The following RBFOX1 variants were observed in gnomAD, a reference collection of about 807,000 sequenced individuals.
RBFOX1 encodes RNA binding fox-1 homolog 1.
Under a neutral mutation model 57.7 loss-of-function variants are expected in RBFOX1, and 8 were observed. The observed-to-expected ratio is 0.14, with a 90% CI of 0.08 to 0.25. The LOEUF (loss-of-function observed/expected upper bound fraction) is 0.25, where lower values mean the gene tolerates loss of function less well. Among genes scored for constraint, RBFOX1 ranks in the 10% least tolerant of loss-of-function variants. RBFOX1 has a pLI of 1.00. For synonymous variants in RBFOX1, 326 were observed against 222.4 expected, an observed-to-expected ratio of 1.47 and a Z score of -4.15; for missense variants, 611 against 548.5, an observed-to-expected ratio of 1.11 and a Z score of -1.14.
intron 4 of RBFOX1, among the ~76,000 whole-genome samples, chr16:5,888,743 G>A (rs2057962560): frequency 6.7e-6 from 1 of 148,700 alleles, no homozygotes; most frequent in Admixed American, 6.8e-5. Flanking sequence ...TTGCGGTGAG[G>A]TTGCGATCGT....
At chr16:6,578,992 G>C (rs1315100059) in intron 2 of RBFOX1, among the ~76,000 whole-genome samples, 1 of 151,754 alleles carries the variant, frequency 6.6e-6, no homozygotes, top group African/African-American at 2.4e-5. Flanking sequence ...CACCACTAAA[G>C]CACTTATTTA....
At chr16:7,673,283 T>C (rs887484020) in intron 13 of RBFOX1, among the ~76,000 whole-genome samples, 1 of 152,222 alleles carries the variant, frequency 6.6e-6, no homozygotes, top group Non-Finnish European at 1.5e-5. Flanking sequence ...TCAGTGTTCA[T>C]GAATATTGTC....
chr16:5,617,000 G>C (rs1297246754), intron 3 of RBFOX1, among the ~76,000 whole-genome samples: 1 of 151,732 alleles, frequency 6.6e-6, no homozygotes. Flanking sequence ...TGGCCGGAGG[G>C]CAGTTCCTGA....
At chr16:5,853,034 G>A (rs2056936133) in intron 3 of RBFOX1, among the ~76,000 whole-genome samples, 1 of 152,074 alleles carries the variant, frequency 6.6e-6, no homozygotes, top group African/African-American at 2.4e-5. Context: ...TCATTATACT[G>A]TAATAGAATT....
chr16:5,916,024 A>G (rs1413207532), intron 4 of RBFOX1, among the ~76,000 whole-genome samples: 1 of 152,180 alleles, frequency 6.6e-6, no homozygotes, highest in Non-Finnish European at 1.5e-5. Context: ...CACAGCAGCT[A>G]GTAATGCCTG....
intron 3 of RBFOX1, among the ~76,000 whole-genome samples, chr16:6,872,195 T>G (rs1276043804): frequency 1.3e-5 from 2 of 152,184 alleles, no homozygotes; most frequent in African/African-American, 4.8e-5. Flanking sequence ...CACCAACTTG[T>G]GCTCAGCACC....
intron 3 of RBFOX1, among the ~76,000 whole-genome samples, chr16:7,006,740 G>T (rs560583531): frequency 2.0e-5 from 3 of 152,148 alleles, no homozygotes; most frequent in Non-Finnish European, 4.4e-5. Flanking sequence ...GAGCCACCAT[G>T]CCTGGCAATT....
intron 3 of RBFOX1, among the ~76,000 whole-genome samples, chr16:6,895,978 A>C (rs778623065): frequency 1.4e-4 from 21 of 152,150 alleles, no homozygotes; most frequent in Admixed American, 9.2e-4. Flanking sequence ...GTTTTGATAC[A>C]GGCATGCTGT....
At chr16:5,719,696 G>C (rs969357086) in intron 3 of RBFOX1, among the ~76,000 whole-genome samples, 5 of 151,974 alleles carry the variant, frequency 3.3e-5, no homozygotes, top group African/African-American at 7.3e-5. Context: ...TTTTTGCTGA[G>C]CATAAATGTT....
chr16:6,120,530 C>G (rs1056609137), intron 1 of RBFOX1, among the ~76,000 whole-genome samples: 1 of 152,198 alleles, frequency 6.6e-6, no homozygotes, highest in African/African-American at 2.4e-5. Flanking sequence ...TAATTTGTCT[C>G]AGTCTCAGTT....
intron 4 of RBFOX1, among the ~76,000 whole-genome samples, chr16:7,230,395 G>A (rs939188570): frequency 6.6e-6 from 1 of 152,092 alleles, no homozygotes; most frequent in African/African-American, 2.4e-5. Context: ...TAACATATCA[G>A]CTTCCATAGT....
At position 7,458,402 on chromosome 16, in the gene RBFOX1, T is replaced by C. The variant is rs141514206; in HGVS notation, c.28-59745T>C. Among the ~76,000 whole-genome samples, 75 of 152,310 alleles carry C rather than the reference T, an allele frequency of 4.9e-4. 1 individual carries two copies. Among genetic ancestry groups the C allele is most frequent in the African/African-American group, 1.8e-3 (75 of 41,570 alleles). On this transcript the variant is annotated intron_variant, in intron 4 of 15. Coordinates refer to ENST00000550418, the MANE Select transcript of RBFOX1 (RefSeq NM_018723.4). ...CTGGAGCATGTGCTCCTCAAATCTC[T>C]CCTTGTTCATGTTCTGAGAAAGAAA... is the stretch of plus-strand genomic sequence containing the variant.
intron 1 of RBFOX1, among the ~76,000 whole-genome samples, chr16:5,261,584 C>G (rs1004794034): frequency 2.0e-5 from 3 of 148,200 alleles, no homozygotes; most frequent in African/African-American, 5.0e-5. Context: ...GAGTCTCTCC[C>G]TGTCACCCAG....
In RBFOX1 at chr16:6,448,156, C is replaced by CTTTTTTTTTTTTTTTTTT; in HGVS notation, c.-64+131103_-64+131120dup. 2.3e-3 allele frequency among the ~76,000 whole-genome samples: 184 copies of CTTTTTTTTTTTTTTTTTT among 78,478 alleles called. 4 individuals are homozygous for CTTTTTTTTTTTTTTTTTT. The highest frequency in any genetic ancestry group is 4.2e-3 in the East Asian group (9 of 2,162). 51.5% of individuals were successfully genotyped at this position (78,478 alleles called of 152,430 possible). ...TTCTTTTTTTTCTTTTCTTTTCTTT[C>CTTTTTTTTTTTTTTTTTT]TTTTTTTTTTTTTTTTTTTTTGAGA... On this transcript the variant is annotated intron_variant, in intron 2 of 15. Transcript: ENST00000550418.
chr16:5,253,039 C>T (rs113096886), intron 1 of RBFOX1, among the ~76,000 whole-genome samples: 21 of 152,272 alleles, frequency 1.4e-4, no homozygotes, highest in East Asian at 3.8e-4. Flanking sequence ...CTGAGGTGCT[C>T]GCAAAGAGCC....
intron 7 of RBFOX1, among the ~76,000 whole-genome samples, chr16:7,594,640 T>G (rs1382609329): frequency 6.6e-6 from 1 of 152,224 alleles, no homozygotes; most frequent in Non-Finnish European, 1.5e-5. Flanking sequence ...GGTATATATG[T>G]TATCTATCAG....
intron 3 of RBFOX1, among the ~76,000 whole-genome samples, chr16:5,716,956 C>T (rs2051725428): frequency 6.6e-6 from 1 of 152,142 alleles, no homozygotes; most frequent in African/African-American, 2.4e-5. Flanking sequence ...ACAACTTTTC[C>T]CTTGACAGGA....
chr16:5,832,521 G>T (rs1343692732), intron 3 of RBFOX1, among the ~76,000 whole-genome samples: 1 of 152,218 alleles, frequency 6.6e-6, no homozygotes, highest in Admixed American at 6.5e-5. Context: ...TTTTATGCAT[G>T]AAATGCTTAG....
chr16:6,110,229 G>A (rs1325532258), intron 1 of RBFOX1, among the ~76,000 whole-genome samples: 1 of 115,518 alleles, frequency 8.7e-6, no homozygotes, highest in African/African-American at 3.4e-5. Context: ...TATTCTTTTA[G>A]CTCTCTGGTA....
Sources: allele counts gnomAD v4.1 joint callset (sites outside exome capture counted in the v4.1 genomes callset), GRCh38; gene constraint gnomAD v4.1.1; transcripts MANE v1.5; gene names NCBI Gene and HGNC (gene_info 2026-07-23, HGNC 2026-07-21).